MAP3K20: variants seen among roughly 807,000 people sequenced by gnomAD.
The protein encoded by MAP3K20 is mitogen-activated protein kinase kinase kinase 20.
MAP3K20 carries 40 observed loss-of-function variants against 85.7 expected under a neutral mutation model. The ratio of observed to expected loss-of-function variants is 0.47; its 90% confidence interval spans 0.36 to 0.61. MAP3K20 has a LOEUF of 0.61. MAP3K20 is among the 20% of genes least tolerant of loss of function. MAP3K20 has a pLI of 0.00. For missense variants in MAP3K20, 817 were observed against 961.7 expected (o/e 0.85, Z 1.99); for synonymous variants, 325 against 327.7 (o/e 0.99, Z 0.09).
At chr2:173,093,251 C>T (rs1322877359) in intron 2 of MAP3K20, among the ~76,000 whole-genome samples, 1 of 152,126 alleles carries the variant, frequency 6.6e-6, no homozygotes, top group Non-Finnish European at 1.5e-5. Flanking sequence ...AGGTAATAAG[C>T]CCTGGATTTT....
chr2:173,180,516 T>C (rs1229434177), intron 3 of MAP3K20, among the ~76,000 whole-genome samples: 2 of 151,818 alleles, frequency 1.3e-5, no homozygotes, highest in Non-Finnish European at 2.9e-5. Context: ...GTACAAAAAA[T>C]ACAAATAAAA....
chr2:173,152,216 T>C (rs1023613649), intron 2 of MAP3K20, among the ~76,000 whole-genome samples: 1 of 152,250 alleles, frequency 6.6e-6, no homozygotes, highest in Non-Finnish European at 1.5e-5. Flanking sequence ...AATGTTGCTC[T>C]GATGTAGATT....
rs1313282633 is a variant in MAP3K20, at chr2:173,263,754, A to G, written c.1561A>G (p.Arg521Gly). The G allele has an allele frequency of 5.0e-6, 8 of 1,608,006 alleles. No individual in the cohort carries two copies. Among genetic ancestry groups the G allele is most frequent in the African/African-American group, 1.3e-5 (1 of 74,626 alleles). Residue 521 changes from arginine to glycine, a missense_variant, in exon 19 of 20, where the codon AGA becomes GGA. Transcript: ENST00000375213. ...ECTVTYESDV[R>G]TPKSTKHVHS... The stretch of plus-strand genomic sequence containing the variant: ...TTGTTTGTTTTACCAGAGTGATGTT[A>G]GAACTCCAAAAAGCACTAAACATGT...
intron 9 of MAP3K20, among the ~76,000 whole-genome samples, chr2:173,208,792 C>CAACTAT (rs1438952264): frequency 1.3e-5 from 2 of 152,140 alleles, no homozygotes; most frequent in African/African-American, 4.8e-5. Flanking sequence ...TTAATTGCTG[C>CAACTAT]AACTATAATT....
In MAP3K20 at chr2:173,235,960, A is replaced by T. The variant is rs542143731; in HGVS notation, c.1204-2413A>T. Among the ~76,000 whole-genome samples, 3 of 152,244 alleles carry T rather than the reference A, an allele frequency of 2.0e-5. No homozygotes were observed. The South Asian group carries it at 6.2e-4, about 32-fold the overall frequency. ...AAACGTTGGAAAAGCTTTAAGATAG[A>T]ATCGGTGGTCGAAAGGGTCTAAGGG... On this transcript the variant is annotated intron_variant, in intron 14 of 19. Coordinates refer to ENST00000375213, the MANE Select transcript of MAP3K20 (RefSeq NM_016653.3).
intron 1 of MAP3K20, among the ~76,000 whole-genome samples, chr2:173,085,869 C>G (rs763213413): frequency 2.3e-5 from 3 of 127,778 alleles, no homozygotes; most frequent in African/African-American, 8.8e-5. Context: ...GATCTTGGCT[C>G]ACAGTAACCT....
chr2:173,152,275 A>C (rs568405333), intron 2 of MAP3K20, among the ~76,000 whole-genome samples: 1 of 152,302 alleles, frequency 6.6e-6, no homozygotes, highest in African/African-American at 2.4e-5. Flanking sequence ...TACATGCAGA[A>C]CGATTCTTGT....
At chr2:173,197,873 A>T in intron 7 of MAP3K20, 153 bp from the exon 8 acceptor site, 1 of 453,490 alleles carries the variant, frequency 2.2e-6, no homozygotes, top group South Asian at 3.4e-5. Context: ...ATATAGAAGA[A>T]GTTGTGTGCT....
chr2:173,226,573 C>A, intron 11 of MAP3K20: 1 of 985,790 alleles, frequency 1.0e-6, no homozygotes, highest in Non-Finnish European at 1.2e-6. Context: ...AAATGAGTAT[C>A]CATCAGGAAA....
At chr2:173,157,004 A>T (rs940216617) in intron 2 of MAP3K20, among the ~76,000 whole-genome samples, 3 of 152,218 alleles carry the variant, frequency 2.0e-5, no homozygotes, top group African/African-American at 7.2e-5. Flanking sequence ...CAACCCTTGA[A>T]CAATGCAGGG....
In MAP3K20 at chr2:173,086,127, A is replaced by G. The variant is rs1687140517; in HGVS notation, c.-34-4871A>G. On this transcript the variant is annotated intron_variant, in intron 1 of 19. Transcript: ENST00000375213. ...ATTCTTTTAATGCAGTGAGATGAAA[A>G]CGTTGGATTTGATTTGATATACCAT... 3.3e-5 allele frequency among the ~76,000 whole-genome samples: 5 copies of G among 151,990 alleles called. No homozygotes were observed. The South Asian group carries it at 1.0e-3, about 31-fold the overall frequency.
At chr2:173,217,067 G>C (rs746418398) in intron 10 of MAP3K20, 48 bp from the exon 11 acceptor site, 2 of 1,388,750 alleles carry the variant, frequency 1.4e-6, no homozygotes, top group South Asian at 4.2e-5. Flanking sequence ...CTAAGCGCTT[G>C]ATGTCTCTTA....
intron 2 of MAP3K20, among the ~76,000 whole-genome samples, chr2:173,135,049 G>C (rs1375718462): frequency 1.3e-5 from 2 of 152,188 alleles, no homozygotes; most frequent in East Asian, 3.9e-4. Flanking sequence ...GTAAGTGTTC[G>C]ATACATTTTG....
chr2:173,159,123 T>C (rs1300772570), intron 2 of MAP3K20, among the ~76,000 whole-genome samples: 2 of 152,228 alleles, frequency 1.3e-5, no homozygotes, highest in African/African-American at 4.8e-5. Flanking sequence ...AAATTTTTAC[T>C]CACCTAGTCC....
chr2:173,172,955 G>A (rs769931978), intron 3 of MAP3K20, among the ~76,000 whole-genome samples: 2 of 151,946 alleles, frequency 1.3e-5, no homozygotes, highest in Non-Finnish European at 2.9e-5. Flanking sequence ...GCGCCACCAT[G>A]CCCAGCTAAT....
At chr2:173,110,241 A>ATTTTTTTTT (rs1163430418) in intron 2 of MAP3K20, among the ~76,000 whole-genome samples, 1 of 14,228 alleles carries the variant, frequency 7.0e-5, no homozygotes, top group Non-Finnish European at 1.2e-4. Flanking sequence ...ATATATATAT[A>ATTTTTTTTT]TTTTTTTTTT....
At chr2:173,100,703 A>G (rs1339180097) in intron 2 of MAP3K20, among the ~76,000 whole-genome samples, 2 of 152,140 alleles carry the variant, frequency 1.3e-5, no homozygotes, top group Non-Finnish European at 2.9e-5. Context: ...GTTTTTATAA[A>G]TGCCCTTGCT....
At chr2:173,096,799 A>G (rs1002963191) in intron 2 of MAP3K20, among the ~76,000 whole-genome samples, 1 of 152,218 alleles carries the variant, frequency 6.6e-6, no homozygotes, top group African/African-American at 2.4e-5. Flanking sequence ...TTGCAGATTT[A>G]CTTACAGTGT....
intron 8 of MAP3K20, among the ~76,000 whole-genome samples, chr2:173,201,507 C>G (rs1299711112): frequency 1.3e-5 from 2 of 152,040 alleles, no homozygotes; most frequent in African/African-American, 2.4e-5. Context: ...ATCCACTGTT[C>G]TTGACTATAC....
Sources: allele counts gnomAD v4.1 joint callset (sites outside exome capture counted in the v4.1 genomes callset), GRCh38; gene constraint gnomAD v4.1.1; transcripts MANE v1.5; gene names NCBI Gene and HGNC (gene_info 2026-07-23, HGNC 2026-07-21).